NAALADL2: variants seen among roughly 807,000 people sequenced by gnomAD.
The protein encoded by NAALADL2 is inactive N-acetylated-alpha-linked acidic dipeptidase-like protein 2.
NAALADL2 carries 76 observed loss-of-function variants against 87.2 expected under a neutral mutation model. The observed-to-expected ratio is 0.87, with a 90% CI of 0.72 to 1.05. The LOEUF is 1.05. NAALADL2 is among the 50% of genes least tolerant of loss of function. The probability of loss-of-function intolerance (pLI) is 0.00; values close to 1 mark genes in which losing one functional copy is unlikely to be tolerated. For synonymous variants in NAALADL2, 354 were observed against 331.0 expected (o/e 1.07, Z -0.75); for missense variants, 1,089 against 945.8 (o/e 1.15, Z -1.99).
chr3:175,695,612 G>A (rs993492919), intron 11 of NAALADL2, among the ~76,000 whole-genome samples: 1 of 151,986 alleles, frequency 6.6e-6, no homozygotes, highest in African/African-American at 2.4e-5. Context: ...TGTTCTTTTA[G>A]TATCAAGGCT....
At chr3:175,411,518 AAGAC>A (rs147421668) in intron 5 of NAALADL2, among the ~76,000 whole-genome samples, 1,916 of 152,200 alleles carry the variant, frequency 0.013, 45 homozygotes, top group African/African-American at 0.045. Context: ...ATGAGAGCTT[AAGAC>A]ACAGAATTGG....
intron 2 of NAALADL2, among the ~76,000 whole-genome samples, chr3:174,735,716 T>C (rs571591678): frequency 6.6e-6 from 1 of 152,232 alleles, no homozygotes; most frequent in African/African-American, 2.4e-5. Context: ...TGCACCATCA[T>C]GCCCAGCTAA....
At chr3:175,528,406 C>T (rs1582264208) in intron 9 of NAALADL2, among the ~76,000 whole-genome samples, 2 of 152,154 alleles carry the variant, frequency 1.3e-5, no homozygotes, top group South Asian at 4.2e-4. Flanking sequence ...TATATTCTAG[C>T]TGTGCTGGCA....
intron 13 of NAALADL2, among the ~76,000 whole-genome samples, chr3:175,764,756 A>G (rs949504082): frequency 1.3e-5 from 2 of 152,170 alleles, no homozygotes; most frequent in African/African-American, 4.8e-5. Flanking sequence ...CACATTTCTC[A>G]GGTATTATAT....
intron 1 of NAALADL2, among the ~76,000 whole-genome samples, chr3:175,088,947 G>A (rs1206310101): frequency 1.3e-5 from 2 of 152,150 alleles, no homozygotes; most frequent in Non-Finnish European, 2.9e-5. Context: ...AAAACAGGTC[G>A]GCAGCAGGTT....
chr3:174,739,010 T>C (rs1733496928), intron 3 of NAALADL2, among the ~76,000 whole-genome samples: 1 of 152,208 alleles, frequency 6.6e-6, no homozygotes, highest in African/African-American at 2.4e-5. Flanking sequence ...ATTAGCAGCT[T>C]ATTTCTTAAT....
At chr3:174,604,670 C>T (rs1364694348) in intron 2 of NAALADL2, among the ~76,000 whole-genome samples, 1 of 151,074 alleles carries the variant, frequency 6.6e-6, no homozygotes, top group Non-Finnish European at 1.5e-5. Flanking sequence ...TCCTTTCTTC[C>T]TTTCTTCCTT....
chr3:175,179,910 C>T (rs991078339), intron 2 of NAALADL2, among the ~76,000 whole-genome samples: 2 of 151,962 alleles, frequency 1.3e-5, no homozygotes, highest in African/African-American at 2.4e-5. Flanking sequence ...CACATAGTAT[C>T]GGTATGCATA....
chr3:175,777,270 C>G (rs1022555934), intron 13 of NAALADL2, among the ~76,000 whole-genome samples: 5 of 151,730 alleles, frequency 3.3e-5, no homozygotes, highest in African/African-American at 1.2e-4. Context: ...AATTAAAACC[C>G]TTTCGATAAT....
At chr3:175,559,249 G>A (rs1715861475) in intron 9 of NAALADL2, among the ~76,000 whole-genome samples, 1 of 150,822 alleles carries the variant, frequency 6.6e-6, no homozygotes, top group South Asian at 2.1e-4. Context: ...ATATAGAAAT[G>A]CTACTAATTT....
chr3:175,738,024 T>C (rs1744748208), intron 12 of NAALADL2, among the ~76,000 whole-genome samples: 1 of 152,112 alleles, frequency 6.6e-6, no homozygotes, highest in Non-Finnish European at 1.5e-5. Flanking sequence ...GGCTCCTAAT[T>C]TGTCTTCATT....
chr3:175,414,809 A>G (rs1242847775), intron 5 of NAALADL2, among the ~76,000 whole-genome samples: 1 of 152,152 alleles, frequency 6.6e-6, no homozygotes, highest in Non-Finnish European at 1.5e-5. Flanking sequence ...CAGAGTTACA[A>G]GATAAGAAAA....
At chr3:175,783,116 G>A (rs1331531857) in intron 13 of NAALADL2, among the ~76,000 whole-genome samples, 1 of 151,966 alleles carries the variant, frequency 6.6e-6, no homozygotes, top group Non-Finnish European at 1.5e-5. Flanking sequence ...TAGCCTTGTA[G>A]TATAGTTTGA....
intron 11 of NAALADL2, among the ~76,000 whole-genome samples, chr3:175,706,475 C>A (rs533031282): frequency 2.5e-4 from 38 of 152,168 alleles, no homozygotes; most frequent in African/African-American, 9.2e-4. Context: ...TGAACATAAT[C>A]TCTGTCTTTC....
intron 13 of NAALADL2, among the ~76,000 whole-genome samples, chr3:175,791,887 A>G (rs1231956310): frequency 6.7e-6 from 1 of 148,544 alleles, no homozygotes; most frequent in African/African-American, 2.5e-5. Flanking sequence ...GACAGTGTGG[A>G]ATTTGCTTTT....
At chr3:175,631,388 C>T (rs1727739688) in intron 11 of NAALADL2, among the ~76,000 whole-genome samples, 1 of 151,230 alleles carries the variant, frequency 6.6e-6, no homozygotes, top group South Asian at 2.1e-4. Context: ...ATAAACCATA[C>T]TCATACATGG....
At chr3:175,068,095 G>A (rs959379205) in intron 1 of NAALADL2, among the ~76,000 whole-genome samples, 2 of 151,916 alleles carry the variant, frequency 1.3e-5, no homozygotes, top group East Asian at 1.9e-4. Flanking sequence ...TACAGTCGGG[G>A]GAAAGGAAGG....
intron 1 of NAALADL2, among the ~76,000 whole-genome samples, chr3:175,055,569 G>T (rs900424532): frequency 1.3e-5 from 2 of 152,204 alleles, no homozygotes; most frequent in Non-Finnish European, 2.9e-5. Flanking sequence ...AAATGCCCCA[G>T]TTTGGAATGG....
chr3:174,840,744 C>T (rs1006790170), intron 3 of NAALADL2, among the ~76,000 whole-genome samples: 2 of 152,080 alleles, frequency 1.3e-5, no homozygotes, highest in African/African-American at 4.8e-5. Flanking sequence ...TTCATTTGTT[C>T]TCTCTCTTTA....
Sources: gnomAD v4.1 joint callset for allele counts (sites outside exome capture counted in the v4.1 genomes callset) on GRCh38, gnomAD v4.1.1 for gene constraint, MANE v1.5 for transcripts, NCBI Gene and HGNC (gene_info 2026-07-23, HGNC 2026-07-21) for gene names.